The following CNTN5 variants were observed in gnomAD, a reference collection of about 807,000 sequenced individuals.
CNTN5 encodes the protein contactin 5, also known as contactin-5.
A neutral mutation model predicts 129.1 loss-of-function variants in CNTN5; 77 were observed. The observed-to-expected ratio is 0.60, with a 90% CI of 0.50 to 0.72. CNTN5 has a LOEUF of 0.72. Among genes scored for constraint, CNTN5 ranks in the 30% least tolerant of loss-of-function variants. CNTN5 has a pLI of 0.00. For missense variants in CNTN5, 1,478 were observed against 1,328.8 expected, an observed-to-expected ratio of 1.11 and a Z score of -1.75; for synonymous variants, 509 against 465.6, an observed-to-expected ratio of 1.09 and a Z score of -1.20.
At chr11:100,040,815 GC>G (rs768494968) in intron 9 of CNTN5, among the ~76,000 whole-genome samples, 38 of 152,154 alleles carry the variant, frequency 2.5e-4, no homozygotes, top group Non-Finnish European at 4.6e-4. Context: ...ATTTTTTTAA[GC>G]CCATTGGAAA....
chr11:99,877,197 C>A (rs1948655946), intron 6 of CNTN5, among the ~76,000 whole-genome samples: 8 of 152,028 alleles, frequency 5.3e-5, no homozygotes, highest in Admixed American at 5.2e-4. Context: ...AACTTTATTT[C>A]CATTGACTAT....
At chr11:99,347,700 TG>T (rs150459491) in intron 2 of CNTN5, among the ~76,000 whole-genome samples, 3,597 of 152,294 alleles carry the variant, frequency 0.024, 147 homozygotes, top group African/African-American at 0.082. Context: ...TGCATTTTTT[TG>T]GTAACTAAAT....
chr11:99,388,167 G>A (rs1941027406), intron 2 of CNTN5, among the ~76,000 whole-genome samples: 1 of 151,960 alleles, frequency 6.6e-6, no homozygotes, highest in African/African-American at 2.4e-5. Context: ...TGTAATCCTA[G>A]CACTTTGGGA....
chr11:100,062,921 C>T (rs771171359), intron 10 of CNTN5, among the ~76,000 whole-genome samples: 2 of 152,074 alleles, frequency 1.3e-5, no homozygotes, highest in Non-Finnish European at 1.5e-5. Context: ...TTAAAATACA[C>T]GTTCATTTTA....
chr11:100,028,709 T>C (rs1436275373), intron 9 of CNTN5, among the ~76,000 whole-genome samples: 1 of 152,194 alleles, frequency 6.6e-6, no homozygotes, highest in South Asian at 2.1e-4. Flanking sequence ...AAATTCACTC[T>C]TTGGCTTTCT....
At chr11:99,733,563 T>C (rs960591981) in intron 3 of CNTN5, among the ~76,000 whole-genome samples, 2 of 152,046 alleles carry the variant, frequency 1.3e-5, no homozygotes, top group African/African-American at 4.8e-5. Context: ...GTCTCCACAA[T>C]TGCTTTTCTA....
At position 100,287,813 on chromosome 11, in the gene CNTN5, A is replaced by G. The variant is rs567031211; in HGVS notation, c.2315-9812A>G. Among the ~76,000 whole-genome samples, 136 of 152,364 alleles carry G rather than the reference A, an allele frequency of 8.9e-4. 1 individual carries two copies. Among genetic ancestry groups the G allele is most frequent in the African/African-American group, 3.1e-3 (127 of 41,580 alleles). On this transcript the variant is annotated intron_variant, in intron 18 of 24. Coordinates refer to ENST00000524871, the MANE Select transcript of CNTN5 (RefSeq NM_014361.4). ...CTCCAATTTAAAGACACAGACTGGC[A>G]AATTAGATAAAGAGTCAAGACCCAT...
chr11:100,330,216 C>T (rs1008776565), intron 21 of CNTN5, among the ~76,000 whole-genome samples: 1 of 152,106 alleles, frequency 6.6e-6, no homozygotes, highest in Non-Finnish European at 1.5e-5. Context: ...AATCAAAAAG[C>T]AGAGGAAAGA....
intron 3 of CNTN5, among the ~76,000 whole-genome samples, chr11:99,640,423 T>C (rs557055662): frequency 6.6e-6 from 1 of 152,286 alleles, no homozygotes; most frequent in East Asian, 1.9e-4. Flanking sequence ...AAACCCCTGA[T>C]AAACCCATCA....
intron 18 of CNTN5, among the ~76,000 whole-genome samples, chr11:100,282,219 T>C (rs1055831767): frequency 6.6e-6 from 1 of 152,232 alleles, no homozygotes; most frequent in African/African-American, 2.4e-5. Flanking sequence ...TGGGCTTGTT[T>C]GTAACCTGCC....
chr11:99,894,828 A>G (rs555242277), intron 6 of CNTN5, among the ~76,000 whole-genome samples: 2 of 152,322 alleles, frequency 1.3e-5, no homozygotes, highest in South Asian at 4.1e-4. Flanking sequence ...TTGGATTTAG[A>G]AACATCTAAA....
chr11:100,017,621 A>G (rs2137548406), intron 9 of CNTN5, among the ~76,000 whole-genome samples: 1 of 152,148 alleles, frequency 6.6e-6, no homozygotes, highest in South Asian at 2.1e-4. Flanking sequence ...GTGCAGTTTA[A>G]TATTTAAAAT....
At chr11:99,381,813 C>T (rs1170252223) in intron 2 of CNTN5, among the ~76,000 whole-genome samples, 1 of 152,020 alleles carries the variant, frequency 6.6e-6, no homozygotes, top group Non-Finnish European at 1.5e-5. Context: ...TCAGGTCCAA[C>T]ATGTTAGAAG....
intron 1 of CNTN5, among the ~76,000 whole-genome samples, chr11:99,083,921 C>G (rs10501900): frequency 1.3e-5 from 2 of 152,050 alleles, no homozygotes; most frequent in Non-Finnish European, 1.5e-5. Context: ...TTTCTGGCAT[C>G]GCATCCCTAG....
intron 3 of CNTN5, among the ~76,000 whole-genome samples, chr11:99,728,467 A>G (rs1247884137): frequency 3.9e-5 from 6 of 152,228 alleles, no homozygotes; most frequent in African/African-American, 1.4e-4. Flanking sequence ...TACTGATGAT[A>G]ATATTTAAAT....
At chr11:100,000,070 A>G (rs1046348400) in intron 8 of CNTN5, among the ~76,000 whole-genome samples, 19 of 151,872 alleles carry the variant, frequency 1.3e-4, no homozygotes, top group African/African-American at 4.1e-4. Flanking sequence ...TGATGAGTTA[A>G]TGGGTGCAGC....
At chr11:99,042,560 A>T (rs957727561) in intron 1 of CNTN5, among the ~76,000 whole-genome samples, 17 of 151,570 alleles carry the variant, frequency 1.1e-4, no homozygotes, top group African/African-American at 4.1e-4. Flanking sequence ...TATTTTCAGT[A>T]GAGACGGGGT....
At chr11:100,221,944 G>A (rs768462797) in intron 15 of CNTN5, among the ~76,000 whole-genome samples, 2 of 152,196 alleles carry the variant, frequency 1.3e-5, no homozygotes, top group Non-Finnish European at 2.9e-5. Context: ...CATTAAAAGT[G>A]CACTAAATTG....
intron 8 of CNTN5, among the ~76,000 whole-genome samples, chr11:99,970,980 A>C (rs11222100): frequency 0.07 from 10,711 of 152,278 alleles, 382 homozygotes; most frequent in Middle Eastern, 0.082. Flanking sequence ...CAAGAATGCA[A>C]ATGATTTGCC....
Sources: allele counts gnomAD v4.1 joint callset (sites outside exome capture counted in the v4.1 genomes callset), GRCh38; gene constraint gnomAD v4.1.1; transcripts MANE v1.5; gene names NCBI Gene and HGNC (gene_info 2026-07-23, HGNC 2026-07-21).